Variants in GTPBP10 observed in about 807,000 individuals in gnomAD.
GTPBP10 encodes GTP binding protein 10, also known as GTP-binding protein 10.
A neutral mutation model predicts 44.8 loss-of-function variants in GTPBP10; 38 were observed. The observed-to-expected ratio is 0.85, with a 90% CI of 0.65 to 1.11. The LOEUF (loss-of-function observed/expected upper bound fraction) is 1.11. Among genes scored for constraint, GTPBP10 ranks in the 50% most tolerant of loss-of-function variants. The probability of loss-of-function intolerance (pLI) is 0.00; values close to 1 mark genes in which losing one functional copy is unlikely to be tolerated. For missense variants in GTPBP10, 462 were observed against 453.7 expected, an observed-to-expected ratio of 1.02 and a Z score of -0.17; for synonymous variants, 152 against 150.6, an observed-to-expected ratio of 1.01 and a Z score of -0.07.
At chr7:90,382,893 C>A in intron 8 of GTPBP10, 63 bp from the exon 9 acceptor site, 3 of 1,168,940 alleles carry the variant, frequency 2.6e-6, no homozygotes, top group Non-Finnish European at 3.5e-6. Flanking sequence ...CATTAATTAC[C>A]AAATAAGTAG....
intron 4 of GTPBP10, among the ~76,000 whole-genome samples, chr7:90,370,763 T>C (rs779833328): frequency 1.6e-4 from 25 of 152,274 alleles, no homozygotes; most frequent in South Asian, 6.2e-4. Flanking sequence ...CCCAGCACTC[T>C]GGGAGGCCAA....
chr7:90,359,644 C>T (rs963562290), intron 4 of GTPBP10, among the ~76,000 whole-genome samples: 8 of 152,086 alleles, frequency 5.3e-5, no homozygotes, highest in Admixed American at 6.6e-5. Context: ...TATAATCGTT[C>T]GGGTATGTAC....
At chr7:90,373,264 A>T (rs1014349895) in intron 5 of GTPBP10, among the ~76,000 whole-genome samples, 1 of 152,242 alleles carries the variant, frequency 6.6e-6, no homozygotes, top group African/African-American at 2.4e-5. Flanking sequence ...AGCAAGGGAT[A>T]AAATGCTTAG....
At chr7:90,354,667 C>A in intron 3 of GTPBP10, 118 bp downstream of exon 3, 1 of 540,998 alleles carries the variant, frequency 1.8e-6, no homozygotes, top group Non-Finnish European at 3.2e-6. Flanking sequence ...AGCTACTATT[C>A]TATAAGAGAG....
intron 4 of GTPBP10, among the ~76,000 whole-genome samples, chr7:90,371,800 G>A (rs1158340262): frequency 6.6e-6 from 1 of 152,010 alleles, no homozygotes; most frequent in Non-Finnish European, 1.5e-5. Context: ...TTTTAAAGCA[G>A]TTTACAAAAC....
intron 4 of GTPBP10, among the ~76,000 whole-genome samples, chr7:90,362,564 A>G (rs186416582): frequency 2.0e-5 from 3 of 152,142 alleles, no homozygotes; most frequent in Non-Finnish European, 4.4e-5. Flanking sequence ...TATGTGGTCA[A>G]TTTTGGATTA....
chr7:90,389,635 A>T lies in GTPBP10; in HGVS notation c.*4481A>T, dbSNP rs774618257. On this transcript the variant is annotated 3_prime_UTR_variant, in exon 10 of 10. Coordinates refer to ENST00000222511, the MANE Select transcript of GTPBP10 (RefSeq NM_033107.4). ...TTTTAAAAGACATTTATTAAAAAAA[A>T]ATGTCTATGCCTTATCAAAGTTTAT... 2.0e-5 allele frequency: 3 copies of T among 152,180 alleles called. No homozygotes were observed. The highest frequency in any genetic ancestry group is 4.4e-5 in the Non-Finnish European group (3 of 68,038). The allele number at this position is 152,180 out of a possible 1,614,324, so 9.4% of individuals were successfully genotyped here. A position where few individuals can be genotyped will look rare whatever the true frequency, so the allele number is the denominator to read the frequency against.
intron 6 of GTPBP10, among the ~76,000 whole-genome samples, chr7:90,374,605 C>G (rs1283482668): frequency 6.6e-6 from 1 of 152,142 alleles, no homozygotes; most frequent in South Asian, 2.1e-4. Flanking sequence ...TTAGTTTCTT[C>G]TTATTGCAAG....
At chr7:90,374,855 T>C (rs1796317013) in intron 6 of GTPBP10, among the ~76,000 whole-genome samples, 1 of 152,214 alleles carries the variant, frequency 6.6e-6, no homozygotes, top group South Asian at 2.1e-4. Context: ...AAATATAATG[T>C]ACAATCTAGT....
chr7:90,365,326 T>G (rs1796108878), intron 4 of GTPBP10, among the ~76,000 whole-genome samples: 1 of 152,030 alleles, frequency 6.6e-6, no homozygotes, highest in African/African-American at 2.4e-5. Flanking sequence ...CTGAAGTTGC[T>G]TATCAGCTTA....
chr7:90,352,724 TAGA>T (rs1426953251), intron 1 of GTPBP10, 89 bp from the exon 2 acceptor site: 7 of 994,040 alleles, frequency 7.0e-6, no homozygotes, highest in East Asian at 5.4e-5. Context: ...ACGACTTTTT[TAGA>T]AGAAGTTTTA....
intron 4 of GTPBP10, among the ~76,000 whole-genome samples, chr7:90,368,790 C>A (rs1796189921): frequency 6.6e-6 from 1 of 152,220 alleles, no homozygotes; most frequent in Non-Finnish European, 1.5e-5. Flanking sequence ...AAGTCTACTT[C>A]TGTTAATTTG....
At chr7:90,374,022 G>C (rs372894414) in intron 5 of GTPBP10, among the ~76,000 whole-genome samples, 15 of 152,072 alleles carry the variant, frequency 9.9e-5, no homozygotes, top group Non-Finnish European at 1.9e-4. Flanking sequence ...ATTTTTTGTA[G>C]AAACAGGGTC....
At chr7:90,347,954 A>G (rs1365446313) in intron 1 of GTPBP10, among the ~76,000 whole-genome samples, 2 of 152,202 alleles carry the variant, frequency 1.3e-5, no homozygotes, top group Admixed American at 1.3e-4. Flanking sequence ...GGAACTAGGC[A>G]TGGTAGGTGA....
At chr7:90,379,465 G>T (rs1796398536) in intron 8 of GTPBP10, among the ~76,000 whole-genome samples, 1 of 152,078 alleles carries the variant, frequency 6.6e-6, no homozygotes, top group South Asian at 2.1e-4. Context: ...GCAAGTTTAG[G>T]CCCCTACCTA....
rs755921260 is a variant in GTPBP10 at position 90,352,839 on chromosome 7, A to G, written c.57A>G (p.Leu19=). ...FRKYGNFIDK[L]RLFTRGGSGG... ...AGTATGGAAATTTCATCGATAAGCTAAGACTCTTCACCAGGGGAGGATCCG... is the reference window on the plus strand; with the variant it reads ...AGTATGGAAATTTCATCGATAAGCTGAGACTCTTCACCAGGGGAGGATCCG... Residue 19 remains leucine, a synonymous_variant, in exon 2 of 10, where the codon CTA becomes CTG. Transcript: ENST00000222511. 6 of 1,611,198 alleles carry G rather than the reference A, an allele frequency of 3.7e-6. No individual in the cohort carries two copies. In the Admixed American group the frequency reaches 5.1e-5, roughly 14 times the overall value.
At chr7:90,356,055 T>C (rs1369331987) in intron 4 of GTPBP10, among the ~76,000 whole-genome samples, 1 of 151,568 alleles carries the variant, frequency 6.6e-6, no homozygotes, top group African/African-American at 2.4e-5. Context: ...AACTGCCTTA[T>C]TACTGTCCTA....
At chr7:90,361,586 A>G (rs1367271814) in intron 4 of GTPBP10, among the ~76,000 whole-genome samples, 1 of 152,192 alleles carries the variant, frequency 6.6e-6, no homozygotes, top group Non-Finnish European at 1.5e-5. Context: ...ATATTGGTCT[A>G]AAATTCTCTT....
chr7:90,351,281 T>C (rs939466332), intron 1 of GTPBP10, among the ~76,000 whole-genome samples: 1 of 152,204 alleles, frequency 6.6e-6, no homozygotes, highest in African/African-American at 2.4e-5. Flanking sequence ...AATTTTAAGT[T>C]TTTATAATAG....
Sources: allele counts gnomAD v4.1 joint callset (sites outside exome capture counted in the v4.1 genomes callset), GRCh38; gene constraint gnomAD v4.1.1; transcripts MANE v1.5; gene names NCBI Gene and HGNC (gene_info 2026-07-23, HGNC 2026-07-21).